Variants in CHCHD6 observed in about 807,000 individuals in gnomAD.
The protein encoded by CHCHD6 is coiled-coil-helix-coiled-coil-helix domain containing 6.
CHCHD6 carries 28 observed loss-of-function variants against 32.3 expected under a neutral mutation model. That is an observed-to-expected ratio of 0.87 (90% CI 0.64 to 1.19). The LOEUF (loss-of-function observed/expected upper bound fraction) is 1.19. Ranked by LOEUF, CHCHD6 falls within the 50% of genes most tolerant of loss-of-function variation. The probability of loss-of-function intolerance (pLI) is 0.00; values close to 1 mark genes in which losing one functional copy is unlikely to be tolerated. For synonymous variants in CHCHD6, 122 were observed against 117.5 expected, an observed-to-expected ratio of 1.04 and a Z score of -0.25; for missense variants, 333 against 307.0, an observed-to-expected ratio of 1.08 and a Z score of -0.63.
intron 4 of CHCHD6, among the ~76,000 whole-genome samples, chr3:126,785,718 C>T (rs1938164574): frequency 6.6e-6 from 1 of 152,126 alleles, no homozygotes; most frequent in Non-Finnish European, 1.5e-5. Flanking sequence ...TTCATCATTG[C>T]AGACTCTATC....
At chr3:126,784,949 G>T (rs1381192147) in intron 4 of CHCHD6, among the ~76,000 whole-genome samples, 1 of 152,020 alleles carries the variant, frequency 6.6e-6, no homozygotes, top group Non-Finnish European at 1.5e-5. Context: ...AGTACTTTAT[G>T]TATTTATTTT....
chr3:126,817,548 C>T (rs1939957639), intron 4 of CHCHD6, among the ~76,000 whole-genome samples: 1 of 152,214 alleles, frequency 6.6e-6, no homozygotes, highest in Admixed American at 6.5e-5. Context: ...GCCTGCAGAA[C>T]CCCCGCTCCC....
At chr3:126,804,709 A>G (rs1289867266) in intron 4 of CHCHD6, among the ~76,000 whole-genome samples, 1 of 152,212 alleles carries the variant, frequency 6.6e-6, no homozygotes, top group African/African-American at 2.4e-5. Context: ...TGAGGCCAGC[A>G]TCATCCTGAT....
In CHCHD6 at chr3:126,884,280, G is replaced by A. The variant is rs576648593; in HGVS notation, c.496-30400G>A. The stretch of plus-strand genomic sequence containing the variant: ...CTCTTTCCTATGTAGATTAGGCAGC[G>A]TCCTGCAAAAAAGAAATCTTTCCAG... On this transcript the variant is annotated intron_variant, in intron 5 of 7. Transcript: ENST00000290913. Among the ~76,000 whole-genome samples the A allele has an allele frequency of 3.3e-5, 5 of 152,136 alleles. No homozygotes were observed. The East Asian group carries it at 7.7e-4, about 23-fold the overall frequency.
At chr3:126,923,079 C>A (rs1260893302) in intron 6 of CHCHD6, among the ~76,000 whole-genome samples, 1 of 152,174 alleles carries the variant, frequency 6.6e-6, no homozygotes, top group Non-Finnish European at 1.5e-5. Context: ...TGGATGGGGC[C>A]TTGAGATCCT....
chr3:126,907,163 A>G (rs1161316069), intron 5 of CHCHD6, among the ~76,000 whole-genome samples: 1 of 152,234 alleles, frequency 6.6e-6, no homozygotes, highest in African/African-American at 2.4e-5. Flanking sequence ...CTCAGGAATT[A>G]CAAGTTGCAT....
At chr3:126,744,983 A>C (rs1319924403) in intron 4 of CHCHD6, among the ~76,000 whole-genome samples, 1 of 152,190 alleles carries the variant, frequency 6.6e-6, no homozygotes, top group Non-Finnish European at 1.5e-5. Context: ...TTCAGCCATC[A>C]CATCAATTTT....
chr3:126,767,231 A>G, intron 4 of CHCHD6: 2 of 1,505,268 alleles, frequency 1.3e-6, no homozygotes, highest in African/African-American at 1.4e-5. Flanking sequence ...GCCATTGTAT[A>G]TTATCTGTGC....
chr3:126,857,868 A>G (rs962798821), intron 5 of CHCHD6, among the ~76,000 whole-genome samples: 2 of 152,234 alleles, frequency 1.3e-5, no homozygotes, highest in Non-Finnish European at 2.9e-5. Flanking sequence ...GTAAGTTGGC[A>G]TAGCCACTGT....
At chr3:126,864,958 T>TCCTCCA (rs1438680539) in intron 5 of CHCHD6, among the ~76,000 whole-genome samples, 4 of 147,786 alleles carry the variant, frequency 2.7e-5, no homozygotes, top group African/African-American at 1.0e-4. Context: ...CATCTCCTCC[T>TCCTCCA]CCATCACCAC....
Position 126,938,359 on chromosome 3 carries a change from A to G in CHCHD6, c.567-19057A>G, listed in dbSNP as rs929727042. 3.3e-5 allele frequency among the ~76,000 whole-genome samples: 5 copies of G among 152,210 alleles called. No homozygotes were observed. The East Asian group carries it at 5.8e-4, about 18-fold the overall frequency. ...AGGGCTAGTTACAGAACCGCTCTTC[A>G]TCTGTCTTCTCAGCTGTAAGATGGT... On this transcript the variant is annotated intron_variant, in intron 6 of 7. Coordinates refer to ENST00000290913, the MANE Select transcript of CHCHD6 (RefSeq NM_032343.3).
chr3:126,704,953 C>T (rs1335671245), intron 1 of CHCHD6, among the ~76,000 whole-genome samples: 1 of 152,138 alleles, frequency 6.6e-6, no homozygotes, highest in African/African-American at 2.4e-5. Context: ...GGCCGCTGCC[C>T]GTCGACCTCT....
intron 5 of CHCHD6, among the ~76,000 whole-genome samples, chr3:126,853,512 G>A (rs1160835343): frequency 6.6e-6 from 1 of 152,192 alleles, no homozygotes; most frequent in Non-Finnish European, 1.5e-5. Flanking sequence ...GAAATTGACA[G>A]TTTGCTTGAG....
chr3:126,940,465 T>C (rs895742968), intron 6 of CHCHD6, among the ~76,000 whole-genome samples: 1 of 152,014 alleles, frequency 6.6e-6, no homozygotes, highest in Non-Finnish European at 1.5e-5. Flanking sequence ...TGAATCCTTG[T>C]GTGGTTTTCT....
At chr3:126,788,228 A>G (rs1316476048) in intron 4 of CHCHD6, among the ~76,000 whole-genome samples, 1 of 152,176 alleles carries the variant, frequency 6.6e-6, no homozygotes, top group African/African-American at 2.4e-5. Context: ...TTCGTTTGCC[A>G]GTATTTTATT....
chr3:126,742,777 T>C (rs1936335763), intron 4 of CHCHD6, among the ~76,000 whole-genome samples: 1 of 152,216 alleles, frequency 6.6e-6, no homozygotes, highest in African/African-American at 2.4e-5. Context: ...GCCCCATGAC[T>C]TGGACTTCTC....
chr3:126,818,146 T>G (rs1367142138), intron 4 of CHCHD6, among the ~76,000 whole-genome samples: 1 of 152,220 alleles, frequency 6.6e-6, no homozygotes, highest in Non-Finnish European at 1.5e-5. Context: ...CTTTCTGGTC[T>G]TCCTAACTAG....
At chr3:126,906,712 AT>A (rs968794900) in intron 5 of CHCHD6, among the ~76,000 whole-genome samples, 36 of 151,874 alleles carry the variant, frequency 2.4e-4, no homozygotes, top group African/African-American at 7.7e-4. Flanking sequence ...GTGGTTTTGT[AT>A]TTTTTCCCCC....
At chr3:126,803,967 G>A (rs1939220286) in intron 4 of CHCHD6, among the ~76,000 whole-genome samples, 1 of 152,172 alleles carries the variant, frequency 6.6e-6, no homozygotes, top group South Asian at 2.1e-4. Context: ...ATGATTAATG[G>A]ATACATAACG....
Sources: allele counts gnomAD v4.1 joint callset (sites outside exome capture counted in the v4.1 genomes callset), GRCh38; gene constraint gnomAD v4.1.1; transcripts MANE v1.5; gene names NCBI Gene and HGNC (gene_info 2026-07-23, HGNC 2026-07-21).